Variants in FMN1 observed in about 807,000 individuals in gnomAD.
The protein encoded by FMN1 is formin 1, also known as formin-1.
A neutral mutation model predicts 132.4 loss-of-function variants in FMN1; 110 were observed. The ratio of observed to expected loss-of-function variants is 0.83; its 90% CI spans 0.71 to 0.97. FMN1 has a LOEUF of 0.97. Ranked by LOEUF, FMN1 falls within the 50% of genes least tolerant of loss-of-function variation. The pLI is 0.00. For synonymous variants in FMN1, 722 were observed against 651.7 expected (o/e 1.11, Z -1.64); for missense variants, 1,792 against 1,705.3 (o/e 1.05, Z -0.90).
chr15:32,921,679 C>CTTTTTTTTTTTTTT (rs11421047), intron 10 of FMN1, among the ~76,000 whole-genome samples: 1 of 140,760 alleles, frequency 7.1e-6, no homozygotes. Context: ...TCTTTTTTTT[C>CTTTTTTTTTTTTTT]TTTTTTTTTT....
intron 6 of FMN1, among the ~76,000 whole-genome samples, chr15:33,052,463 T>C (rs572779237): frequency 1.1e-3 from 175 of 152,316 alleles, no homozygotes; most frequent in African/African-American, 3.9e-3. Context: ...AAACAGTTAC[T>C]TCACCTGTCT....
At chr15:33,169,724 T>A (rs1051973232) in intron 3 of FMN1, among the ~76,000 whole-genome samples, 2 of 142,524 alleles carry the variant, frequency 1.4e-5, no homozygotes, top group Admixed American at 7.0e-5. Context: ...ATAAAAAGCC[T>A]TTTTTTTTTC....
At chr15:33,053,888 G>C (rs1181889407) in intron 6 of FMN1, among the ~76,000 whole-genome samples, 1 of 134,734 alleles carries the variant, frequency 7.4e-6, no homozygotes, top group African/African-American at 2.6e-5. Context: ...TCCTTTCTTT[G>C]TTTTCTTTTT....
intron 5 of FMN1, among the ~76,000 whole-genome samples, chr15:33,081,172 G>A (rs542593580): frequency 3.3e-4 from 51 of 152,276 alleles, no homozygotes; most frequent in African/African-American, 1.1e-3. Context: ...ACAAGAGCCT[G>A]GACCGTTTTC....
At chr15:32,815,261 C>A (rs1450219457) in intron 17 of FMN1, among the ~76,000 whole-genome samples, 3 of 152,214 alleles carry the variant, frequency 2.0e-5, no homozygotes, top group South Asian at 2.1e-4. Flanking sequence ...ATTTTTATTT[C>A]TTCTTTAAAG....
At chr15:33,049,381 G>A (rs1057134335) in intron 6 of FMN1, among the ~76,000 whole-genome samples, 1 of 152,106 alleles carries the variant, frequency 6.6e-6, no homozygotes, top group African/African-American at 2.4e-5. Context: ...GAACAGACCA[G>A]GTTTGTTCTC....
intron 19 of FMN1, among the ~76,000 whole-genome samples, chr15:32,785,218 A>ATATATATATATTTTT (rs1444523400): frequency 1.5e-4 from 6 of 39,204 alleles, no homozygotes; most frequent in African/African-American, 2.4e-4. Context: ...ATATATATAT[A>ATATATATATATTTTT]TTTTTTTTTT....
At chr15:32,855,127 C>G (rs2059097703) in intron 17 of FMN1, among the ~76,000 whole-genome samples, 1 of 129,854 alleles carries the variant, frequency 7.7e-6, no homozygotes, top group African/African-American at 3.0e-5. Flanking sequence ...TACTGGCTAT[C>G]TGGGTTCCAC....
intron 10 of FMN1, among the ~76,000 whole-genome samples, chr15:32,912,342 G>C (rs931876154): frequency 6.6e-6 from 1 of 152,158 alleles, no homozygotes; most frequent in African/African-American, 2.4e-5. Flanking sequence ...TTGGGACTGA[G>C]AACAACCATG....
intron 16 of FMN1, among the ~76,000 whole-genome samples, chr15:32,861,650 G>A (rs764365981): frequency 3.9e-5 from 6 of 152,334 alleles, no homozygotes; most frequent in Middle Eastern, 3.4e-3. Context: ...ACATGTCAAG[G>A]TCAGAACAGC....
chr15:33,180,439 G>T (rs1297428495), intron 2 of FMN1, among the ~76,000 whole-genome samples, 177 bp from the exon 3 acceptor site: 1 of 152,116 alleles, frequency 6.6e-6, no homozygotes, highest in Non-Finnish European at 1.5e-5. Flanking sequence ...GGGAACAGAC[G>T]ATCCTGCCTC....
chr15:33,012,923 C>A, intron 6 of FMN1: 2 of 525,370 alleles, frequency 3.8e-6, no homozygotes, highest in South Asian at 3.0e-5. Context: ...AACCACCGGT[C>A]TTCAAATTTT....
At chr15:32,810,096 T>C (rs1473007426) in intron 17 of FMN1, among the ~76,000 whole-genome samples, 1 of 152,098 alleles carries the variant, frequency 6.6e-6, no homozygotes, top group Non-Finnish European at 1.5e-5. Context: ...TTTGTATCTT[T>C]AGTAGAGACA....
chr15:32,790,412 A>C (rs112768611), intron 19 of FMN1, among the ~76,000 whole-genome samples: 3,365 of 152,322 alleles, frequency 0.022, 95 homozygotes, highest in Admixed American at 0.073. Context: ...GGTACATGTA[A>C]ACAAGAGGAT....
chr15:32,850,663 G>C (rs1193427989), intron 17 of FMN1, among the ~76,000 whole-genome samples: 1 of 152,204 alleles, frequency 6.6e-6, no homozygotes, highest in Non-Finnish European at 1.5e-5. Flanking sequence ...GGACAAGTGA[G>C]TGAACAGGAC....
At chr15:32,783,173 A>G (rs919589242) in intron 19 of FMN1, among the ~76,000 whole-genome samples, 2 of 152,216 alleles carry the variant, frequency 1.3e-5, no homozygotes, top group Non-Finnish European at 2.9e-5. Context: ...AATAAAGGTT[A>G]TATGGCAATC....
At chr15:32,798,749 A>T (rs2057376591) in intron 19 of FMN1, 55 bp downstream of exon 19, 2 of 1,452,260 alleles carry the variant, frequency 1.4e-6, no homozygotes, top group Admixed American at 2.0e-5. Context: ...TAGGTTTAAG[A>T]GTGCAGTTTC....
At chr15:33,061,074 G>A (rs1340292184) in intron 6 of FMN1, among the ~76,000 whole-genome samples, 2 of 152,228 alleles carry the variant, frequency 1.3e-5, no homozygotes, top group African/African-American at 4.8e-5. Context: ...ACAGATGGCT[G>A]TGGGGTGGGG....
chr15:32,952,091 G>A (rs2061666966), intron 9 of FMN1, among the ~76,000 whole-genome samples: 1 of 152,178 alleles, frequency 6.6e-6, no homozygotes, highest in South Asian at 2.1e-4. Flanking sequence ...TTCAGCCTCA[G>A]AGGCTCATCC....
Sources: allele counts gnomAD v4.1 joint callset (sites outside exome capture counted in the v4.1 genomes callset), GRCh38; gene constraint gnomAD v4.1.1; transcripts MANE v1.5; gene names NCBI Gene and HGNC (gene_info 2026-07-23, HGNC 2026-07-21).